Variants in KIF26B observed in about 807,000 individuals in gnomAD.
The protein encoded by KIF26B is kinesin family member 26B.
A neutral mutation model predicts 151.2 loss-of-function variants in KIF26B; 63 were observed. The observed-to-expected ratio is 0.42, with a 90% CI of 0.34 to 0.51. KIF26B has a LOEUF of 0.51. Ranked by LOEUF, KIF26B falls within the 20% of genes least tolerant of loss-of-function variation. The probability of loss-of-function intolerance (pLI) is 0.07; values close to 1 mark genes in which losing one functional copy is unlikely to be tolerated. For missense variants in KIF26B, 2,813 were observed against 2,913.6 expected (o/e 0.97, Z 0.79); for synonymous variants, 1,357 against 1,262.1 (o/e 1.08, Z -1.59).
chr1:245,416,121 A>AAAAAAAAG (rs1225425631), intron 3 of KIF26B, among the ~76,000 whole-genome samples: 17 of 151,340 alleles, frequency 1.1e-4, no homozygotes, highest in African/African-American at 3.6e-4. Flanking sequence ...ACAAAAAAAA[A>AAAAAAAAG]AAAAAAAAGT....
At chr1:245,636,825 G>A (rs564111121) in intron 9 of KIF26B, among the ~76,000 whole-genome samples, 3 of 151,586 alleles carry the variant, frequency 2.0e-5, no homozygotes, top group East Asian at 1.9e-4. Flanking sequence ...TAAAATGACA[G>A]GATTTCATTA....
chr1:245,480,998 AATTAT>A (rs71980124), intron 4 of KIF26B, among the ~76,000 whole-genome samples: 59,555 of 151,024 alleles, frequency 0.39, 15,031 homozygotes, highest in Non-Finnish European at 0.53. Context: ...TTTTATCTAC[AATTAT>A]ATTATATTTA....
chr1:245,228,468 A>G (rs1669922836), intron 2 of KIF26B, among the ~76,000 whole-genome samples: 1 of 151,940 alleles, frequency 6.6e-6, no homozygotes, highest in Admixed American at 6.6e-5. Flanking sequence ...TGGGAGGCTG[A>G]GGCAGGAGAA....
intron 3 of KIF26B, among the ~76,000 whole-genome samples, chr1:245,407,234 G>A (rs189954745): frequency 2.6e-5 from 4 of 152,284 alleles, no homozygotes; most frequent in African/African-American, 4.8e-5. Context: ...GGGAAGAACC[G>A]GGGCAGGGTG....
At chr1:245,178,972 G>T (rs77893474) in intron 2 of KIF26B, among the ~76,000 whole-genome samples, 4 of 149,478 alleles carry the variant, frequency 2.7e-5, no homozygotes, top group Non-Finnish European at 5.9e-5. Context: ...TCTTAACCAT[G>T]TTTTTTTTTT....
chr1:245,295,865 C>A (rs1460014025), intron 2 of KIF26B, among the ~76,000 whole-genome samples: 1 of 152,150 alleles, frequency 6.6e-6, no homozygotes, highest in African/African-American at 2.4e-5. Context: ...TTTGCCTTGA[C>A]TTGATGGCCT....
At chr1:245,183,665 C>A (rs1027704399) in intron 2 of KIF26B, among the ~76,000 whole-genome samples, 1 of 152,104 alleles carries the variant, frequency 6.6e-6, no homozygotes, top group Non-Finnish European at 1.5e-5. Context: ...AGTTGGAGAT[C>A]CTGACAGAAT....
intron 2 of KIF26B, among the ~76,000 whole-genome samples, chr1:245,236,462 C>T (rs566005205): frequency 3.0e-4 from 46 of 152,126 alleles, no homozygotes; most frequent in Non-Finnish European, 5.1e-4. Context: ...GTTCCTGGGA[C>T]GTAATTGACA....
intron 2 of KIF26B, among the ~76,000 whole-genome samples, chr1:245,311,777 A>T (rs1671670114): frequency 1.3e-5 from 2 of 151,974 alleles, no homozygotes; most frequent in Admixed American, 1.3e-4. Flanking sequence ...TACCAAAAGT[A>T]CAAAAATTAG....
chr1:245,205,431 A>T (rs577621603), intron 2 of KIF26B, among the ~76,000 whole-genome samples: 3 of 152,298 alleles, frequency 2.0e-5, no homozygotes, highest in Admixed American at 1.3e-4. Flanking sequence ...GAATCTTATA[A>T]GAATATAGGG....
At chr1:245,237,942 CT>C (rs1037889187) in intron 2 of KIF26B, among the ~76,000 whole-genome samples, 1 of 151,706 alleles carries the variant, frequency 6.6e-6, no homozygotes, top group African/African-American at 2.4e-5. Context: ...GGGAGGATCA[CT>C]TGAGCCCCGG....
At chr1:245,633,227 A>G (rs1033605966) in intron 9 of KIF26B, among the ~76,000 whole-genome samples, 4 of 148,090 alleles carry the variant, frequency 2.7e-5, no homozygotes, top group African/African-American at 4.9e-5. Flanking sequence ...TTTTCATTCT[A>G]TGTGCATCTT....
intron 2 of KIF26B, among the ~76,000 whole-genome samples, chr1:245,320,960 A>C (rs960949509): frequency 6.6e-6 from 1 of 152,178 alleles, no homozygotes; most frequent in African/African-American, 2.4e-5. Context: ...TTACAGGCGT[A>C]AGCCACCGTA....
At chr1:245,180,735 G>T (rs1026056151) in intron 2 of KIF26B, among the ~76,000 whole-genome samples, 1 of 152,164 alleles carries the variant, frequency 6.6e-6, no homozygotes, top group Admixed American at 6.5e-5. Flanking sequence ...GGGTAGGGGT[G>T]GGGGAAGAGA....
At chr1:245,207,718 G>T (rs113548245) in intron 2 of KIF26B, among the ~76,000 whole-genome samples, 1 of 152,210 alleles carries the variant, frequency 6.6e-6, no homozygotes, top group African/African-American at 2.4e-5. Context: ...TCCCTCCTCC[G>T]TGCTAAGTTG....
chr1:245,475,973 G>A (rs867204147), intron 4 of KIF26B, among the ~76,000 whole-genome samples: 5 of 151,802 alleles, frequency 3.3e-5, no homozygotes, highest in East Asian at 1.9e-4. Flanking sequence ...TCATGGCAGC[G>A]TTAGTCAAAA....
At chr1:245,403,560 ATG>A (rs937070702) in intron 3 of KIF26B, among the ~76,000 whole-genome samples, 85 of 151,894 alleles carry the variant, frequency 5.6e-4, no homozygotes, top group Admixed American at 2.2e-3. Flanking sequence ...GTGCGCGCGC[ATG>A]TGTGTGTGTC....
chr1:245,215,074 G>A (rs1669617324), intron 2 of KIF26B, among the ~76,000 whole-genome samples: 2 of 152,096 alleles, frequency 1.3e-5, no homozygotes, highest in African/African-American at 4.8e-5. Flanking sequence ...CTTCCCTTAA[G>A]CTTCTCTTCC....
intron 3 of KIF26B, among the ~76,000 whole-genome samples, chr1:245,374,059 CAAAAAAAAAAAAAAAAAAAAAAA>C (rs1172397969): frequency 4.0e-4 from 7 of 17,488 alleles, no homozygotes; most frequent in African/African-American, 1.4e-3. Context: ...GAACCTATCT[CAAAAAAAAAAAAAAAAAAAAAAA>C]AAAAAAAAAA....
Sources: allele counts gnomAD v4.1 joint callset (sites outside exome capture counted in the v4.1 genomes callset), GRCh38; gene constraint gnomAD v4.1.1; transcripts MANE v1.5; gene names NCBI Gene and HGNC (gene_info 2026-07-23, HGNC 2026-07-21).